The following CDH4 variants were observed in gnomAD, a reference collection of about 807,000 sequenced individuals.
The protein encoded by CDH4 is cadherin-4.
A neutral mutation model predicts 86.0 loss-of-function variants in CDH4; 33 were observed. The observed-to-expected ratio is 0.38, with a 90% CI of 0.29 to 0.51. The LOEUF is 0.51. CDH4 is among the 20% of genes least tolerant of loss of function. The probability of loss-of-function intolerance (pLI) is 0.86; values close to 1 mark genes in which losing one functional copy is unlikely to be tolerated. For missense variants in CDH4, 1,114 were observed against 1,307.4 expected (o/e 0.85, Z 2.28); for synonymous variants, 555 against 549.4 (o/e 1.01, Z -0.14).
chr20:61,486,961 C>A (rs568219821), intron 2 of CDH4, among the ~76,000 whole-genome samples: 1 of 151,834 alleles, frequency 6.6e-6, no homozygotes, highest in East Asian at 1.9e-4. Flanking sequence ...AAGGGAGGTA[C>A]TGTTTTATTC....
chr20:61,663,426 C>T lies in CDH4; in HGVS notation c.170-80137C>T, dbSNP rs1319716437. Among the ~76,000 whole-genome samples, 1 of 152,182 alleles carries T rather than the reference C, an allele frequency of 6.6e-6. No homozygotes were observed. Among genetic ancestry groups the T allele is most frequent in the Non-Finnish European group, 1.5e-5 (1 of 68,036 alleles). ...GCGCTGAAACCTAGAAAAAGAGCTGCGTAAAAGACAATAATTCTGAAGGCT... is the reference window on the plus strand; with the variant it reads ...GCGCTGAAACCTAGAAAAAGAGCTGTGTAAAAGACAATAATTCTGAAGGCT... On this transcript the variant is annotated intron_variant, in intron 2 of 15. Coordinates refer to ENST00000614565, the MANE Select transcript of CDH4 (RefSeq NM_001794.5). The surrounding 1 kb of genome is among the most constrained non-coding windows in gnomAD (Gnocchi z 5.0).
chr20:61,635,989 A>T (rs1670102227), intron 2 of CDH4, among the ~76,000 whole-genome samples: 1 of 152,244 alleles, frequency 6.6e-6, no homozygotes, highest in Non-Finnish European at 1.5e-5. Context: ...TGTGGCCGTG[A>T]CAGCAGCAGG....
chr20:61,521,471 G>T (rs73150288), intron 2 of CDH4, among the ~76,000 whole-genome samples: 12,797 of 152,268 alleles, frequency 0.084, 634 homozygotes, highest in Non-Finnish European at 0.12. Flanking sequence ...CTCCAGCTCC[G>T]TGAACAAGCA....
intron 7 of CDH4, among the ~76,000 whole-genome samples, chr20:61,890,214 T>G (rs6121834): frequency 0.9 from 135,425 of 149,656 alleles, 61,693 homozygotes; most frequent in Non-Finnish European, 0.93. Context: ...TAGATGGATG[T>G]TGGATGGGTG....
chr20:61,906,431 C>T (rs191668057), intron 8 of CDH4, among the ~76,000 whole-genome samples: 183 of 152,370 alleles, frequency 1.2e-3, no homozygotes, highest in Middle Eastern at 6.8e-3. Context: ...GTGACATGGC[C>T]GCAGGACCGG....
At chr20:61,353,696 C>CA (rs1284197750) in intron 2 of CDH4, among the ~76,000 whole-genome samples, 1 of 3,644 alleles carries the variant, frequency 2.7e-4, no homozygotes, top group Non-Finnish European at 5.1e-4. Context: ...CTCCTCCTCC[C>CA]CTCCTCCTCC....
At chr20:61,565,062 T>TTGGTGGTAG (rs1555808994) in intron 2 of CDH4, among the ~76,000 whole-genome samples, 3,061 of 101,222 alleles carry the variant, frequency 0.03, 263 homozygotes, top group Middle Eastern at 0.065. Flanking sequence ...GGTGGTGCTC[T>TTGGTGGTAG]TGGTGGTGGT....
chr20:61,798,199 G>C (rs8125818), intron 4 of CDH4, among the ~76,000 whole-genome samples: 116,153 of 151,688 alleles, frequency 0.77, 45,074 homozygotes, highest in African/African-American at 0.91. Flanking sequence ...GCCCTGCCCC[G>C]GGCTCTGTGG....
Position 61,612,700 on chromosome 20 carries a change from C to T in CDH4, c.170-130863C>T, listed in dbSNP as rs561081589. On this transcript the variant is annotated intron_variant, in intron 2 of 15. Transcript: ENST00000614565. ...TCATTCCGATGTTACAGCTTAGACT[C>T]GAGGGTCTAATTTAAGGACTCTCTA... Among the ~76,000 whole-genome samples, 57 of 152,158 alleles carry T rather than the reference C, an allele frequency of 3.7e-4. 1 individual carries two copies. In the South Asian group the frequency reaches 6.7e-3, roughly 18 times the overall value.
chr20:61,565,390 G>GTCGCGGTGCTCTT, intron 2 of CDH4, among the ~76,000 whole-genome samples: 1 of 18,260 alleles, frequency 5.5e-5, no homozygotes, highest in South Asian at 2.4e-3. Flanking sequence ...CTTGGTGATG[G>GTCGCGGTGCTCTT]GGTGATGGTG....
chr20:61,341,524 C>CT (rs561277730), intron 2 of CDH4, among the ~76,000 whole-genome samples: 36,398 of 133,170 alleles, frequency 0.27, 5,088 homozygotes, highest in African/African-American at 0.41. Flanking sequence ...ACTTTTTTTT[C>CT]TTTTTTTTTT....
At chr20:61,271,721 T>A (rs1324678246) in intron 2 of CDH4, among the ~76,000 whole-genome samples, 2 of 152,200 alleles carry the variant, frequency 1.3e-5, no homozygotes, top group East Asian at 3.9e-4. Flanking sequence ...GGTTGTGCCT[T>A]ACCCTGGGCA....
At chr20:61,465,859 T>C (rs1293948855) in intron 2 of CDH4, among the ~76,000 whole-genome samples, 1 of 151,394 alleles carries the variant, frequency 6.6e-6, no homozygotes, top group Admixed American at 6.6e-5. Context: ...AATAGGACTT[T>C]TTTTTCTTTT....
At position 61,632,550 on chromosome 20, in the gene CDH4, C is replaced by T. The variant is rs562635593; in HGVS notation, c.170-111013C>T. On this transcript the variant is annotated intron_variant, in intron 2 of 15. Coordinates refer to ENST00000614565, the MANE Select transcript of CDH4 (RefSeq NM_001794.5). Reference sequence around the variant, plus strand: ...GCATACCAGCCCGGCTTCCCCCTCCCGGGCTGGGTGGTCTCTCCTTTGTAG... The same window carrying T: ...GCATACCAGCCCGGCTTCCCCCTCCTGGGCTGGGTGGTCTCTCCTTTGTAG... Among the ~76,000 whole-genome samples the T allele has an allele frequency of 8.0e-4, 121 of 152,198 alleles. 1 individual carries two copies. Among genetic ancestry groups the T allele is most frequent in the Non-Finnish European group, 1.5e-3 (99 of 67,986 alleles).
At chr20:61,592,126 A>G (rs2086523309) in intron 2 of CDH4, among the ~76,000 whole-genome samples, 1 of 152,024 alleles carries the variant, frequency 6.6e-6, no homozygotes, top group South Asian at 2.1e-4. Context: ...TAGCAACTCA[A>G]AACAGTGGTT....
chr20:61,660,885 G>T (rs2087247071), intron 2 of CDH4, among the ~76,000 whole-genome samples: 1 of 152,166 alleles, frequency 6.6e-6, no homozygotes, highest in Non-Finnish European at 1.5e-5. Flanking sequence ...GCTCCACCTG[G>T]GCAGCCTTAC....
chr20:61,851,500 G>A (rs568658116), intron 5 of CDH4, among the ~76,000 whole-genome samples: 56 of 152,300 alleles, frequency 3.7e-4, no homozygotes, highest in Admixed American at 2.9e-3. Flanking sequence ...GTGGAGACCC[G>A]TCTGGCATGG....
At chr20:61,934,398 C>T (rs2055154073) in intron 15 of CDH4, among the ~76,000 whole-genome samples, 178 bp downstream of exon 15, 1 of 152,232 alleles carries the variant, frequency 6.6e-6, no homozygotes, top group Non-Finnish European at 1.5e-5. Context: ...GGGCAAATCA[C>T]CTCCCTCAGC....
chr20:61,395,675 G>C (rs1259377778), intron 2 of CDH4, among the ~76,000 whole-genome samples: 1 of 152,186 alleles, frequency 6.6e-6, no homozygotes, highest in Non-Finnish European at 1.5e-5. Flanking sequence ...AGCTACTCCA[G>C]GGGCTGAGGT....
Sources: allele counts gnomAD v4.1 joint callset (sites outside exome capture counted in the v4.1 genomes callset), GRCh38; gene constraint gnomAD v4.1.1; non-coding constraint Gnocchi (gnomAD v3.1); transcripts MANE v1.5; gene names NCBI Gene and HGNC (gene_info 2026-07-23, HGNC 2026-07-21).